The following PKP4 variants were observed in gnomAD, a reference collection of about 807,000 sequenced individuals.
PKP4 encodes plakophilin 4.
PKP4 carries 90 observed loss-of-function variants against 145.1 expected under a neutral mutation model. That is an observed-to-expected ratio of 0.62 (90% confidence interval 0.52 to 0.74). The LOEUF (loss-of-function observed/expected upper bound fraction) is 0.74, where lower values mean the gene tolerates loss of function less well. Among genes scored for constraint, PKP4 ranks in the 30% least tolerant of loss-of-function variants. PKP4 has a pLI of 0.00. For missense variants in PKP4, 1,340 were observed against 1,482.7 expected (o/e 0.90, Z 1.58); for synonymous variants, 563 against 577.2 (o/e 0.98, Z 0.35).
intron 1 of PKP4, among the ~76,000 whole-genome samples, chr2:158,492,927 CT>C (rs1359762523): frequency 1.3e-5 from 2 of 152,122 alleles, no homozygotes; most frequent in Non-Finnish European, 2.9e-5. Flanking sequence ...TATACATAAC[CT>C]TTATTTCCTC....
intron 12 of PKP4, chr2:158,659,623 T>A (rs2056360939): frequency 1.3e-5 from 2 of 152,210 alleles, no homozygotes; most frequent in South Asian, 4.1e-4. Flanking sequence ...GAGTTTAAAT[T>A]TAAGCCTACA....
In PKP4 at chr2:158,678,617, A is replaced by G. The variant is rs767297674; in HGVS notation, c.3293A>G (p.Tyr1098Cys). The G allele has an allele frequency of 6.8e-6, 11 of 1,610,404 alleles. No individual in the cohort carries two copies. Among genetic ancestry groups the G allele is most frequent in the East Asian group, 2.2e-5 (1 of 44,866 alleles). ...CCTTCACCAATTTACATCAGTTCCTATTCCTCACCAGCAAGAGAACAAAAT... is the reference window on the plus strand; with the variant it reads ...CCTTCACCAATTTACATCAGTTCCTGTTCCTCACCAGCAAGAGAACAAAAT... ...SKPSPIYISS[Y>C]SSPAREQNRR... is the part of the protein sequence containing the mutation. Residue 1098 changes from tyrosine (Y) to cysteine (C), a missense_variant, in exon 21 of 22, where the codon TAT (tyrosine) becomes TGT (cysteine). Tyr to Cys is a radical substitution (Grantham distance 194). Transcript: ENST00000389759.
chr2:158,560,728 A>G (rs2046443283), intron 2 of PKP4, among the ~76,000 whole-genome samples: 1 of 152,232 alleles, frequency 6.6e-6, no homozygotes, highest in African/African-American at 2.4e-5. Context: ...AAAATAGCTC[A>G]CAGCATTTAG....
chr2:158,487,105 T>G (rs762034319), intron 1 of PKP4, among the ~76,000 whole-genome samples: 2 of 152,118 alleles, frequency 1.3e-5, no homozygotes, highest in Non-Finnish European at 2.9e-5. Context: ...GACAGAGAAG[T>G]AGTGGCCAGA....
At chr2:158,596,441 G>C (rs993028764) in intron 3 of PKP4, among the ~76,000 whole-genome samples, 4 of 152,036 alleles carry the variant, frequency 2.6e-5, no homozygotes, top group Admixed American at 6.5e-5. Context: ...TCAAGGAAAG[G>C]CCACAATGTA....
chr2:158,478,318 T>TTGTAAAA, intron 1 of PKP4, among the ~76,000 whole-genome samples: 1 of 151,938 alleles, frequency 6.6e-6, no homozygotes, highest in Non-Finnish European at 1.5e-5. Flanking sequence ...AGTTAGAATG[T>TTGTAAAA]TGTAAAATGG....
chr2:158,502,826 G>GT (rs1246695587), intron 1 of PKP4, among the ~76,000 whole-genome samples: 2 of 152,198 alleles, frequency 1.3e-5, no homozygotes, highest in Non-Finnish European at 2.9e-5. Context: ...GTTAGAGATG[G>GT]TTTTTGTAAG....
rs1006196825 is a variant in PKP4, at chr2:158,471,321, G to A, written c.-6+14103G>A. Among the ~76,000 whole-genome samples the A allele has an allele frequency of 7.9e-5, 12 of 151,166 alleles. No individual in the cohort carries two copies. In the South Asian group the frequency reaches 1.9e-3, roughly 24 times the overall value. On this transcript the variant is annotated intron_variant, in intron 1 of 21. Transcript: ENST00000389759. ...GTTTCATCAGTGTAGATGCTTAGGC[G>A]TGCAAGTTTAATTTTTGTTTAAAAT...
chr2:158,608,472 G>A (rs1197535393), intron 4 of PKP4, among the ~76,000 whole-genome samples: 1 of 152,130 alleles, frequency 6.6e-6, no homozygotes, highest in Non-Finnish European at 1.5e-5. Flanking sequence ...CGCCACAGGT[G>A]TGTCCATAAT....
intron 7 of PKP4, 84 bp downstream of exon 7, chr2:158,625,511 G>C (rs114455742): frequency 6.6e-5 from 75 of 1,129,794 alleles, no homozygotes; most frequent in Non-Finnish European, 9.2e-5. Flanking sequence ...ATGAAAAGGT[G>C]GAAAAGGCTC....
intron 1 of PKP4, among the ~76,000 whole-genome samples, chr2:158,513,236 A>T (rs903072504): frequency 2.6e-5 from 4 of 151,964 alleles, no homozygotes; most frequent in Non-Finnish European, 4.4e-5. Context: ...GTTTACGTCC[A>T]CCCATTTCCG....
chr2:158,557,894 T>C (rs997663263), intron 2 of PKP4, among the ~76,000 whole-genome samples: 1 of 152,190 alleles, frequency 6.6e-6, no homozygotes, highest in African/African-American at 2.4e-5. Context: ...TGCATGTGTG[T>C]ACCTTGAGGT....
At chr2:158,606,162 T>G (rs1488879816) in intron 4 of PKP4, among the ~76,000 whole-genome samples, 1 of 152,160 alleles carries the variant, frequency 6.6e-6, no homozygotes, top group Non-Finnish European at 1.5e-5. Context: ...ACTCTGTGTT[T>G]AACCCGTTAA....
rs186197249 is a variant in PKP4, at chr2:158,533,405, G to A, written c.132+89G>A. 6.1e-4 allele frequency: 878 copies of A among 1,434,102 alleles called. 1 individual carries two copies. Among genetic ancestry groups the A allele is most frequent in the Non-Finnish European group, 7.7e-4 (791 of 1,030,928 alleles). The allele number at this position is 1,434,102 out of a possible 1,614,324, so 88.8% of individuals were successfully genotyped here. On this transcript the variant is annotated intron_variant, in intron 2 of 21. Coordinates refer to ENST00000389759, the MANE Select transcript of PKP4 (RefSeq NM_003628.6). ...TGGATATGTTTTAAATTTGTGTAAC[G>A]TCCTTGACGCCTTCACGTTTTCTAA...
rs548774966 is a variant in PKP4 at position 158,673,547 on chromosome 2, C to T, written c.2925-130C>T. 1.5e-3 allele frequency: 1,058 copies of T among 708,308 alleles called. 6 individuals carry two copies. Among genetic ancestry groups the T allele is most frequent in the Middle Eastern group, 0.014 (36 of 2,578 alleles). The allele number at this position is 708,308 out of a possible 1,614,324, so 43.9% of individuals were successfully genotyped here. On this transcript the variant is annotated intron_variant, in intron 17 of 21. Coordinates refer to ENST00000389759, the MANE Select transcript of PKP4 (RefSeq NM_003628.6). ...ACACCTGGTCCCTTTGTGGTGTGTC[C>T]TGCAGTAGCCTCCATCCCTGTGGCC...
At chr2:158,462,685 T>C (rs181681403) in intron 1 of PKP4, among the ~76,000 whole-genome samples, 2 of 152,272 alleles carry the variant, frequency 1.3e-5, no homozygotes, top group Admixed American at 1.3e-4. Context: ...GCTCATGAAG[T>C]GTCATTAAGG....
intron 4 of PKP4, among the ~76,000 whole-genome samples, chr2:158,606,693 C>T (rs887535687): frequency 1.3e-5 from 2 of 152,116 alleles, no homozygotes; most frequent in African/African-American, 4.8e-5. Flanking sequence ...TATGCAGTTA[C>T]ATTTGCCAGT....
intron 2 of PKP4, among the ~76,000 whole-genome samples, chr2:158,570,334 T>C (rs868795667): frequency 6.6e-6 from 1 of 152,210 alleles, no homozygotes; most frequent in Non-Finnish European, 1.5e-5. Flanking sequence ...AAAGATATGA[T>C]CATGACCATA....
At chr2:158,657,909 A>G (rs2056150640) in intron 11 of PKP4, among the ~76,000 whole-genome samples, 1 of 152,190 alleles carries the variant, frequency 6.6e-6, no homozygotes, top group South Asian at 2.1e-4. Flanking sequence ...TTCACCCTCT[A>G]AAATCCAAGA....
Sources: gnomAD v4.1 joint callset for allele counts (sites outside exome capture counted in the v4.1 genomes callset) on GRCh38, gnomAD v4.1.1 for gene constraint, MANE v1.5 for transcripts, NCBI Gene and HGNC (gene_info 2026-07-23, HGNC 2026-07-21) for gene names.